FGF14: variants seen among roughly 807,000 people sequenced by gnomAD.
FGF14 encodes the protein fibroblast growth factor homologous factor 4.
Under a neutral mutation model 25.5 loss-of-function variants are expected in FGF14, and 5 were observed. The observed-to-expected ratio is 0.20, with a 90% CI of 0.10 to 0.41. The LOEUF (loss-of-function observed/expected upper bound fraction) is 0.41, where lower values mean the gene tolerates loss of function less well. FGF14 is among the 10% of genes least tolerant of loss of function. FGF14 has a pLI of 1.00. For synonymous variants in FGF14, 138 were observed against 118.3 expected (o/e 1.17, Z -1.08); for missense variants, 222 against 320.1 (o/e 0.69, Z 2.34).
intron 1 of FGF14, among the ~76,000 whole-genome samples, chr13:101,925,973 G>A (rs1175818696): frequency 6.6e-6 from 1 of 152,058 alleles, no homozygotes; most frequent in African/African-American, 2.4e-5. Flanking sequence ...TGCTTCCATT[G>A]TCACATTTCC....
chr13:102,370,558 T>C (rs2057849605), intron 1 of FGF14, among the ~76,000 whole-genome samples: 1 of 152,162 alleles, frequency 6.6e-6, no homozygotes, highest in Non-Finnish European at 1.5e-5. Flanking sequence ...GCCATGATTA[T>C]ATTTTAAAGT....
chr13:102,084,665 G>A (rs1322624513), intron 1 of FGF14, among the ~76,000 whole-genome samples: 3 of 152,100 alleles, frequency 2.0e-5, no homozygotes. Context: ...AGTTGTTGAG[G>A]CAATCACAGA....
At chr13:101,780,810 C>T (rs1038084705) in intron 3 of FGF14, among the ~76,000 whole-genome samples, 6 of 151,990 alleles carry the variant, frequency 3.9e-5, no homozygotes, top group African/African-American at 1.2e-4. Flanking sequence ...ATCAGGGGCA[C>T]GGAGAAGCAC....
At chr13:102,253,716 T>C (rs2052310673) in intron 1 of FGF14, among the ~76,000 whole-genome samples, 1 of 152,202 alleles carries the variant, frequency 6.6e-6, no homozygotes, top group East Asian at 1.9e-4. Context: ...TCTTACTCTT[T>C]ATGGGTTTTT....
At chr13:101,766,700 T>C (rs904328360) in intron 3 of FGF14, among the ~76,000 whole-genome samples, 1 of 152,166 alleles carries the variant, frequency 6.6e-6, no homozygotes. Context: ...TAGTTAAGTT[T>C]ACTTTAAATA....
intron 1 of FGF14, among the ~76,000 whole-genome samples, chr13:101,902,614 T>A (rs1287454681): frequency 6.6e-6 from 1 of 152,166 alleles, no homozygotes; most frequent in Non-Finnish European, 1.5e-5. Flanking sequence ...CTAAATGAAA[T>A]CACCTTAAAT....
chr13:102,004,751 G>T lies in FGF14; in HGVS notation c.209-129455C>A, dbSNP rs201015847. 3.9e-5 allele frequency among the ~76,000 whole-genome samples: 6 copies of T among 152,252 alleles called. No homozygotes were observed. In the East Asian group the frequency reaches 1.2e-3, roughly 29 times the overall value. ...GGGAGGCATCCGATGGGAGGTAATT[G>T]AATCATGGGGGCTGTAACCCCCATG... is the stretch of plus-strand genomic sequence containing the variant. On this transcript the variant is annotated intron_variant, in intron 1 of 4. Transcript: ENST00000376131.
At chr13:102,286,262 C>G (rs531478321) in intron 1 of FGF14, among the ~76,000 whole-genome samples, 73 of 151,830 alleles carry the variant, frequency 4.8e-4, no homozygotes, top group South Asian at 1.2e-3. Flanking sequence ...CACGTTCTCC[C>G]CCGCCCACCA....
chr13:102,361,048 G>C (rs765173679), intron 1 of FGF14, among the ~76,000 whole-genome samples: 2 of 152,144 alleles, frequency 1.3e-5, no homozygotes, highest in Admixed American at 1.3e-4. Flanking sequence ...AAGAGTGCAT[G>C]TTAAGATCTC....
intron 3 of FGF14, among the ~76,000 whole-genome samples, chr13:101,733,708 T>C (rs1262650549): frequency 6.6e-6 from 1 of 151,796 alleles, no homozygotes; most frequent in Non-Finnish European, 1.5e-5. Context: ...CAGCAACTTA[T>C]ATTTATAGGG....
In FGF14 at chr13:102,295,465, G is replaced by C. The variant is rs935626738; in HGVS notation, c.208+106006C>G. ...TCCTTTGACTTGTACGGTACTGTGTGGTTTGTGATACCTTTGCACTGTGTG... is the reference window on the plus strand; with the variant it reads ...TCCTTTGACTTGTACGGTACTGTGTCGTTTGTGATACCTTTGCACTGTGTG... On this transcript the variant is annotated intron_variant, in intron 1 of 4. Transcript: ENST00000376131. 3.3e-5 allele frequency among the ~76,000 whole-genome samples: 5 copies of C among 151,922 alleles called. No individual in the cohort carries two copies. The East Asian group carries it at 9.7e-4, about 29-fold the overall frequency.
intron 1 of FGF14, among the ~76,000 whole-genome samples, chr13:101,998,899 AGTAT>A (rs2139717628): frequency 6.6e-6 from 1 of 152,358 alleles, no homozygotes; most frequent in South Asian, 2.1e-4. Flanking sequence ...TCTGCTCTAC[AGTAT>A]GTGCTTATTA....
intron 1 of FGF14, among the ~76,000 whole-genome samples, chr13:102,123,315 A>G (rs2045814095): frequency 6.6e-6 from 1 of 152,214 alleles, no homozygotes; most frequent in African/African-American, 2.4e-5. Context: ...GTAAAATTAC[A>G]AAGATGGTAG....
intron 1 of FGF14, among the ~76,000 whole-genome samples, chr13:101,949,512 T>C (rs1019203406): frequency 3.3e-5 from 5 of 152,142 alleles, no homozygotes; most frequent in Admixed American, 3.3e-4. Flanking sequence ...GCAGATACCA[T>C]TAATTTGGTA....
chr13:102,203,270 A>G (rs765032569), intron 1 of FGF14, among the ~76,000 whole-genome samples: 3 of 152,252 alleles, frequency 2.0e-5, no homozygotes, highest in Non-Finnish European at 4.4e-5. Context: ...GCCCCTCAAA[A>G]GACAAAAGAG....
intron 3 of FGF14, among the ~76,000 whole-genome samples, chr13:101,746,697 C>T (rs1489916750): frequency 6.6e-6 from 1 of 151,968 alleles, no homozygotes; most frequent in Non-Finnish European, 1.5e-5. Context: ...TGAGAAGGCA[C>T]TTTATCAATG....
intron 1 of FGF14, among the ~76,000 whole-genome samples, chr13:101,885,291 T>C (rs748648519): frequency 6.6e-6 from 1 of 152,164 alleles, no homozygotes; most frequent in South Asian, 2.1e-4. Context: ...TATAGTTACA[T>C]AGTCATAGTG....
chr13:102,153,264 G>A (rs779921111), intron 1 of FGF14, among the ~76,000 whole-genome samples: 2 of 152,132 alleles, frequency 1.3e-5, no homozygotes, highest in African/African-American at 4.8e-5. Flanking sequence ...AAAAGAACTA[G>A]AATTTTTATA....
intron 1 of FGF14, among the ~76,000 whole-genome samples, chr13:102,255,600 T>C (rs967498497): frequency 6.6e-6 from 1 of 152,286 alleles, no homozygotes; most frequent in Admixed American, 6.5e-5. Context: ...CCCTTGCTTA[T>C]AAATGAGGCA....
Sources: gnomAD v4.1 joint callset for allele counts (sites outside exome capture counted in the v4.1 genomes callset) on GRCh38, gnomAD v4.1.1 for gene constraint, MANE v1.5 for transcripts, NCBI Gene and HGNC (gene_info 2026-07-23, HGNC 2026-07-21) for gene names.